CTNND2: variants seen among roughly 807,000 people sequenced by gnomAD.
CTNND2 encodes catenin delta-2.
CTNND2 carries 22 observed loss-of-function variants against 144.4 expected under a neutral mutation model. The ratio of observed to expected loss-of-function variants is 0.15; its 90% CI spans 0.11 to 0.22. The LOEUF (loss-of-function observed/expected upper bound fraction) is 0.22, where lower values mean the gene tolerates loss of function less well. Ranked by LOEUF, CTNND2 falls within the 10% of genes least tolerant of loss-of-function variation. The pLI is 1.00. For missense variants in CTNND2, 1,353 were observed against 1,618.8 expected (o/e 0.84, Z 2.82); for synonymous variants, 751 against 695.6 (o/e 1.08, Z -1.25).
At chr5:11,583,442 C>T (rs1186826908) in intron 2 of CTNND2, among the ~76,000 whole-genome samples, 9 of 152,130 alleles carry the variant, frequency 5.9e-5, no homozygotes, top group Non-Finnish European at 1.3e-4. Flanking sequence ...TAGAAGAAGG[C>T]TGAAGGAGGG....
At chr5:11,787,584 A>G (rs1394856355) in intron 1 of CTNND2, among the ~76,000 whole-genome samples, 10 of 152,208 alleles carry the variant, frequency 6.6e-5, no homozygotes, top group Non-Finnish European at 2.9e-5. Context: ...GAGCATTTTA[A>G]GATTTTTTTA....
At chr5:11,085,780 G>T (rs1015335163) in intron 15 of CTNND2, among the ~76,000 whole-genome samples, 4 of 152,338 alleles carry the variant, frequency 2.6e-5, no homozygotes, top group African/African-American at 9.6e-5. Context: ...TGTGGGGGCT[G>T]CCAGCTGATC....
chr5:11,596,707 T>C (rs1383584143), intron 2 of CTNND2, among the ~76,000 whole-genome samples: 3 of 152,154 alleles, frequency 2.0e-5, no homozygotes, highest in African/African-American at 7.2e-5. Flanking sequence ...AATAGTTAAC[T>C]TCCTACAGCC....
At chr5:11,035,517 A>T (rs923058092) in intron 16 of CTNND2, among the ~76,000 whole-genome samples, 1 of 152,134 alleles carries the variant, frequency 6.6e-6, no homozygotes, top group Non-Finnish European at 1.5e-5. Context: ...TTCCTATCTC[A>T]AGGTTAGCTG....
intron 12 of CTNND2, among the ~76,000 whole-genome samples, chr5:11,158,468 C>G (rs1202631907): frequency 6.6e-6 from 1 of 152,142 alleles, no homozygotes; most frequent in Non-Finnish European, 1.5e-5. Context: ...TTTCGTGACT[C>G]AGACGAAAAG....
chr5:11,809,071 C>G (rs188508019), intron 1 of CTNND2, among the ~76,000 whole-genome samples: 2 of 152,088 alleles, frequency 1.3e-5, no homozygotes. Flanking sequence ...TTGAGCATTG[C>G]GCAAAATTCT....
intron 4 of CTNND2, 43 bp downstream of exon 4, chr5:11,411,992 T>G (rs1442112069): frequency 2.0e-6 from 3 of 1,498,056 alleles, no homozygotes; most frequent in African/African-American, 2.8e-5. Context: ...TCAGTAGAGA[T>G]ATGTTTAGAA....
Position 11,543,885 on chromosome 5 carries a change from T to C in CTNND2, c.287+21059A>G, listed in dbSNP as rs868097261. On this transcript the variant is annotated intron_variant, in intron 3 of 21. Transcript: ENST00000304623. ...CATACTCGGCAGAATAAAAGATACA[T>C]CTTTCTTGGAAGACCATACCTTAAA... Among the ~76,000 whole-genome samples the C allele has an allele frequency of 8.5e-5, 13 of 152,308 alleles. 1 individual carries two copies. The highest frequency in any genetic ancestry group is 3.1e-4 in the African/African-American group (13 of 41,574).
chr5:11,240,221 CCCAACACACACACA>C (rs1329486700), intron 9 of CTNND2, among the ~76,000 whole-genome samples: 6 of 130,250 alleles, frequency 4.6e-5, no homozygotes, highest in East Asian at 2.4e-4. Flanking sequence ...AACACACACA[CCCAACACACACACA>C]CCAACACACA....
At chr5:11,553,925 C>A (rs902315873) in intron 3 of CTNND2, among the ~76,000 whole-genome samples, 1 of 151,924 alleles carries the variant, frequency 6.6e-6, no homozygotes, top group African/African-American at 2.4e-5. Flanking sequence ...AGGAAAGAAA[C>A]CACACTTCAA....
intron 1 of CTNND2, among the ~76,000 whole-genome samples, chr5:11,802,613 A>G (rs769616774): frequency 6.6e-6 from 1 of 152,174 alleles, no homozygotes; most frequent in Non-Finnish European, 1.5e-5. Context: ...TAAGTATTTC[A>G]GTTAATTATG....
chr5:11,346,495 G>A lies in CTNND2; in HGVS notation c.1505C>T (p.Pro502Leu), dbSNP rs1270283350. The change falls in exon 9 of 22, where the codon CCC (proline) becomes CTC (leucine). Residue 502 changes from proline (P) to leucine (L), a missense_variant. Transcript: ENST00000304623. ...AAGPASNYADPYRQLQYCPSV... is the reference protein window; with the variant it reads ...AAGPASNYADLYRQLQYCPSV... ...GGGACAATACTGCAGCTGTCGGTAG[G>A]GGTCCGCGTAATTGGAGGCTGGGCC... The A allele has an allele frequency of 1.9e-6, 3 of 1,606,250 alleles. No homozygotes were observed. Among genetic ancestry groups the A allele is most frequent in the South Asian group, 1.1e-5 (1 of 89,522 alleles).
At chr5:11,225,007 G>A (rs945226429) in intron 10 of CTNND2, among the ~76,000 whole-genome samples, 12 of 152,070 alleles carry the variant, frequency 7.9e-5, no homozygotes, top group Admixed American at 3.3e-4. Context: ...ATGAAATGGT[G>A]TCTCTGTGGT....
intron 12 of CTNND2, among the ~76,000 whole-genome samples, chr5:11,142,346 A>T (rs975590473): frequency 2.6e-5 from 4 of 152,324 alleles, no homozygotes; most frequent in African/African-American, 9.6e-5. Flanking sequence ...CCACAGAGAA[A>T]TTAGAAACGG....
chr5:11,362,255 T>C (rs969693414), intron 8 of CTNND2, among the ~76,000 whole-genome samples: 2 of 152,228 alleles, frequency 1.3e-5, no homozygotes, highest in Non-Finnish European at 2.9e-5. Flanking sequence ...CCTTACTTCT[T>C]TGTAATCTCC....
At chr5:11,737,964 T>C (rs961638836) in intron 1 of CTNND2, among the ~76,000 whole-genome samples, 1 of 152,224 alleles carries the variant, frequency 6.6e-6, no homozygotes, top group Non-Finnish European at 1.5e-5. Context: ...ATTTAAACCA[T>C]TCAGTCTGTA....
At chr5:11,166,198 G>C (rs1759305908) in intron 11 of CTNND2, among the ~76,000 whole-genome samples, 1 of 151,084 alleles carries the variant, frequency 6.6e-6, no homozygotes, top group Non-Finnish European at 1.5e-5. Context: ...GACAGTTTGT[G>C]TACCTGGGGG....
At chr5:11,496,624 A>G (rs1429091771) in intron 3 of CTNND2, among the ~76,000 whole-genome samples, 1 of 152,174 alleles carries the variant, frequency 6.6e-6, no homozygotes, top group African/African-American at 2.4e-5. Flanking sequence ...CTACATAATC[A>G]GGGAGGCAAA....
chr5:11,476,638 T>C (rs1161943834), intron 3 of CTNND2, among the ~76,000 whole-genome samples: 1 of 152,186 alleles, frequency 6.6e-6, no homozygotes, highest in African/African-American at 2.4e-5. Context: ...CTATTCAGTA[T>C]GGAAATATGC....
Sources: allele counts gnomAD v4.1 joint callset (sites outside exome capture counted in the v4.1 genomes callset), GRCh38; gene constraint gnomAD v4.1.1; transcripts MANE v1.5; gene names NCBI Gene and HGNC (gene_info 2026-07-23, HGNC 2026-07-21).